AKAP19: variants seen among roughly 807,000 people sequenced by gnomAD.
The protein encoded by AKAP19 is A-kinase anchoring protein 19, also known as small A-kinase anchoring protein.
chr2:190,042,995 T>A, the AKAP19 span, among the ~76,000 whole-genome samples: 1 of 152,250 alleles, frequency 6.6e-6, no homozygotes, highest in Non-Finnish European at 1.5e-5. Flanking sequence ...GAAGATTTTT[T>A]CTTTAAGAAT....
the AKAP19 span, among the ~76,000 whole-genome samples, chr2:189,975,151 C>G: frequency 6.6e-6 from 1 of 152,136 alleles, no homozygotes; most frequent in Non-Finnish European, 1.5e-5. Context: ...GTTCTTCCTT[C>G]AGGAACTTTT....
chr2:189,961,513 C>T, the AKAP19 span, among the ~76,000 whole-genome samples: 2 of 151,998 alleles, frequency 1.3e-5, no homozygotes, highest in Non-Finnish European at 2.9e-5. Flanking sequence ...ATATATAAAT[C>T]TTATATAAAG....
At chr2:189,976,695 C>T in the AKAP19 span, among the ~76,000 whole-genome samples, 1 of 152,240 alleles carries the variant, frequency 6.6e-6, no homozygotes, top group Non-Finnish European at 1.5e-5. Context: ...CCTCCCCCAG[C>T]CTCGCTGCTG....
At chr2:190,052,093 C>T in the AKAP19 span, among the ~76,000 whole-genome samples, 2 of 152,090 alleles carry the variant, frequency 1.3e-5, no homozygotes, top group African/African-American at 4.8e-5. Context: ...CCCGCCTCAG[C>T]CTCCCAATGT....
chr2:190,123,276 G>T, the AKAP19 span, among the ~76,000 whole-genome samples: 1 of 151,770 alleles, frequency 6.6e-6, no homozygotes. Flanking sequence ...GATTTTTATT[G>T]TCAAATCATC....
chr2:190,170,209 C>T, the AKAP19 span, among the ~76,000 whole-genome samples: 5 of 152,316 alleles, frequency 3.3e-5, no homozygotes, highest in East Asian at 9.7e-4. Flanking sequence ...AGGGCTTCAC[C>T]CTCGTGACCT....
the AKAP19 span, among the ~76,000 whole-genome samples, chr2:190,046,304 G>A: frequency 1.3e-5 from 2 of 152,000 alleles, no homozygotes; most frequent in Non-Finnish European, 2.9e-5. Flanking sequence ...TATAAAATAC[G>A]TATAATAATA....
chr2:189,971,837 T>TA, the AKAP19 span, among the ~76,000 whole-genome samples: 1 of 151,864 alleles, frequency 6.6e-6, no homozygotes, highest in East Asian at 1.9e-4. Context: ...TGTTTGATTT[T>TA]TTTTTTGTAA....
At chr2:190,076,417 A>G in the AKAP19 span, among the ~76,000 whole-genome samples, 3 of 152,166 alleles carry the variant, frequency 2.0e-5, no homozygotes, top group East Asian at 1.9e-4. Context: ...AAGTGTCTAT[A>G]TGATAACATT....
At chr2:190,011,892 C>T in the AKAP19 span, among the ~76,000 whole-genome samples, 5 of 151,914 alleles carry the variant, frequency 3.3e-5, no homozygotes, top group Non-Finnish European at 7.4e-5. Context: ...TCTTTTTGCT[C>T]AAGATTGCCT....
At chr2:190,183,524 A>G in the AKAP19 span, among the ~76,000 whole-genome samples, 1 of 151,982 alleles carries the variant, frequency 6.6e-6, no homozygotes, top group Admixed American at 6.6e-5. Flanking sequence ...TCCACCCCTC[A>G]TTTTTCCTTG....
the AKAP19 span, among the ~76,000 whole-genome samples, chr2:190,071,855 C>CA: frequency 1.5e-4 from 22 of 149,908 alleles, no homozygotes; most frequent in Non-Finnish European, 3.0e-4. Context: ...CAAATGCTAA[C>CA]AAAAAAGAAC....
At chr2:190,101,359 A>G in the AKAP19 span, among the ~76,000 whole-genome samples, 1 of 152,182 alleles carries the variant, frequency 6.6e-6, no homozygotes, top group Non-Finnish European at 1.5e-5. Flanking sequence ...CCAGCTCGGT[A>G]ACCTGGAACC....
chr2:190,082,593 C>T, the AKAP19 span, among the ~76,000 whole-genome samples: 9 of 152,276 alleles, frequency 5.9e-5, no homozygotes, highest in East Asian at 3.9e-4. Context: ...ACTGTTTTCA[C>T]GGGCAGTTTT....
chr2:190,082,922 T>C, the AKAP19 span, among the ~76,000 whole-genome samples: 1 of 152,226 alleles, frequency 6.6e-6, no homozygotes, highest in African/African-American at 2.4e-5. Context: ...CTGATCCTTA[T>C]AAAACTTAAC....
the AKAP19 span, among the ~76,000 whole-genome samples, chr2:189,908,108 G>T: frequency 6.6e-6 from 1 of 150,890 alleles, no homozygotes; most frequent in Admixed American, 6.6e-5. Context: ...GGCTTAGTTT[G>T]TCTTTCCTCT....
the AKAP19 span, among the ~76,000 whole-genome samples, chr2:190,117,332 C>T: frequency 6.6e-6 from 1 of 152,066 alleles, no homozygotes; most frequent in South Asian, 2.1e-4. Context: ...TAGATTCTAA[C>T]TTAGTGTTAT....
the AKAP19 span, among the ~76,000 whole-genome samples, chr2:190,151,021 T>C: frequency 3.9e-5 from 6 of 152,190 alleles, no homozygotes; most frequent in Non-Finnish European, 8.8e-5. Context: ...GTCTATAAAA[T>C]TGGCCTTTTC....
the AKAP19 span, among the ~76,000 whole-genome samples, chr2:190,050,146 A>T: frequency 6.6e-6 from 1 of 152,258 alleles, no homozygotes; most frequent in African/African-American, 2.4e-5. Flanking sequence ...CTGCTGTGCA[A>T]TGTAGACAGG....
Sources: allele counts gnomAD v4.1 joint callset (sites outside exome capture counted in the v4.1 genomes callset), GRCh38; gene constraint gnomAD v4.1.1; transcripts MANE v1.5; gene names NCBI Gene and HGNC (gene_info 2026-07-23, HGNC 2026-07-21).